Variants in RBFOX1 observed in about 807,000 individuals in gnomAD.
RBFOX1 encodes the protein RNA binding fox-1 homolog 1, also known as RNA binding protein fox-1 homolog 1.
A neutral mutation model predicts 57.7 loss-of-function variants in RBFOX1; 8 were observed. The observed-to-expected ratio is 0.14, with a 90% CI of 0.08 to 0.25. The LOEUF is 0.25. RBFOX1 is among the 10% of genes least tolerant of loss of function. The pLI is 1.00. For missense variants in RBFOX1, 611 were observed against 548.5 expected (o/e 1.11, Z -1.14); for synonymous variants, 326 against 222.4 (o/e 1.47, Z -4.15).
At chr16:5,449,183 C>G (rs1648218024) in intron 1 of RBFOX1, among the ~76,000 whole-genome samples, 1 of 152,174 alleles carries the variant, frequency 6.6e-6, no homozygotes, top group African/African-American at 2.4e-5. Flanking sequence ...AAGCCCCACT[C>G]CCGACAAGGC....
At chr16:6,434,040 G>A (rs1047309143) in intron 2 of RBFOX1, among the ~76,000 whole-genome samples, 2 of 151,862 alleles carry the variant, frequency 1.3e-5, no homozygotes, top group African/African-American at 4.8e-5. Context: ...TAGAGATGGG[G>A]CTTCACCATG....
At chr16:6,577,543 A>G (rs182535303) in intron 2 of RBFOX1, among the ~76,000 whole-genome samples, 4 of 152,314 alleles carry the variant, frequency 2.6e-5, no homozygotes, top group African/African-American at 4.8e-5. Context: ...ACAAAGGTTT[A>G]TTTCTTGCTG....
At chr16:7,651,599 T>C (rs1005793106) in intron 11 of RBFOX1, among the ~76,000 whole-genome samples, 2 of 152,232 alleles carry the variant, frequency 1.3e-5, no homozygotes, top group Admixed American at 1.3e-4. Context: ...GGAACGCTTC[T>C]ACTCCTGAAG....
At chr16:7,532,915 C>T (rs536047222) in intron 5 of RBFOX1, among the ~76,000 whole-genome samples, 2 of 152,366 alleles carry the variant, frequency 1.3e-5, no homozygotes, top group Non-Finnish European at 2.9e-5. Context: ...TGTTGGCCTG[C>T]TGGCTGCATT....
chr16:6,942,106 G>A (rs1314150216), intron 3 of RBFOX1, among the ~76,000 whole-genome samples: 1 of 152,066 alleles, frequency 6.6e-6, no homozygotes, highest in African/African-American at 2.4e-5. Context: ...ACGTGCAGTG[G>A]TGCACACCTG....
At chr16:7,655,450 G>A (rs2066071339) in intron 12 of RBFOX1, among the ~76,000 whole-genome samples, 1 of 152,162 alleles carries the variant, frequency 6.6e-6, no homozygotes, top group Non-Finnish European at 1.5e-5. Context: ...TCTCCCTAAT[G>A]CCTGTCAAAT....
intron 3 of RBFOX1, among the ~76,000 whole-genome samples, chr16:6,856,369 G>C (rs183213306): frequency 4.3e-4 from 65 of 152,238 alleles, no homozygotes; most frequent in African/African-American, 1.5e-3. Context: ...ATGATGAGTA[G>C]ACTATGTCTC....
At chr16:7,195,056 C>G (rs1274522288) in intron 4 of RBFOX1, among the ~76,000 whole-genome samples, 2 of 148,252 alleles carry the variant, frequency 1.3e-5, no homozygotes, top group Non-Finnish European at 3.0e-5. Flanking sequence ...AGCAACAAAA[C>G]TTTAAAAAAT....
intron 4 of RBFOX1, among the ~76,000 whole-genome samples, chr16:7,484,219 T>C (rs1231520569): frequency 3.9e-5 from 6 of 152,214 alleles, no homozygotes; most frequent in African/African-American, 9.6e-5. Context: ...TATACCAAGA[T>C]GTGTTTATCC....
intron 3 of RBFOX1, among the ~76,000 whole-genome samples, chr16:6,680,192 C>T (rs1240719906): frequency 6.6e-6 from 1 of 151,290 alleles, no homozygotes; most frequent in Non-Finnish European, 1.5e-5. Context: ...TCGTATGGAG[C>T]TGCGCATATA....
At chr16:7,086,741 C>CACACACACACACACACACACAG (rs34157471) in intron 4 of RBFOX1, among the ~76,000 whole-genome samples, 1 of 21,858 alleles carries the variant, frequency 4.6e-5, no homozygotes, top group Admixed American at 4.0e-4. Context: ...CACACACACA[C>CACACACACACACACACACACAG]TTTAAAATTT....
At position 7,646,055 on chromosome 16, in the gene RBFOX1, G is replaced by C. The variant is rs1201851529; in HGVS notation, c.758-7760G>C. The stretch of plus-strand genomic sequence containing the variant: ...GCTAGAACTTAATAAGTGCCATCAT[G>C]TTAAAATTTTAATTTAAGGCCATTT... On this transcript the variant is annotated intron_variant, in intron 11 of 15. Coordinates refer to ENST00000550418, the MANE Select transcript of RBFOX1 (RefSeq NM_018723.4). Among the ~76,000 whole-genome samples, 3 of 150,982 alleles carry C rather than the reference G, an allele frequency of 2.0e-5. No homozygotes were observed. In the East Asian group the frequency reaches 5.8e-4, roughly 29 times the overall value.
chr16:5,598,728 G>A (rs113908156), intron 2 of RBFOX1, among the ~76,000 whole-genome samples: 340 of 152,282 alleles, frequency 2.2e-3, no homozygotes, highest in Non-Finnish European at 3.6e-3. Flanking sequence ...TGGCCATTGC[G>A]CAGGGCAATG....
At chr16:5,658,948 A>T (rs116654773) in intron 3 of RBFOX1, among the ~76,000 whole-genome samples, 6,452 of 151,694 alleles carry the variant, frequency 0.043, 472 homozygotes, top group African/African-American at 0.15. Context: ...GCTTTTACGT[A>T]TTTGCAATTG....
chr16:7,333,878 A>G lies in RBFOX1; in HGVS notation c.28-184269A>G, dbSNP rs115056941. On this transcript the variant is annotated intron_variant, in intron 4 of 15. Transcript: ENST00000550418. ...AACATCTACTAGCGATAGAACCCAC[A>G]GATCATAGAAATCCAAGGTGGCTTT... is the stretch of plus-strand genomic sequence containing the variant. 3.1e-3 allele frequency among the ~76,000 whole-genome samples: 479 copies of G among 152,292 alleles called. 3 individuals carry two copies. In the Middle Eastern group the frequency reaches 0.044, roughly 14 times the overall value.
At chr16:5,302,712 GTTTAT>G (rs1304030479) in intron 1 of RBFOX1, among the ~76,000 whole-genome samples, 2 of 152,050 alleles carry the variant, frequency 1.3e-5, no homozygotes, top group Non-Finnish European at 2.9e-5. Context: ...TTGTCTTGAG[GTTTAT>G]TTTGTCTGAT....
At chr16:5,548,110 G>C (rs2045293190) in intron 2 of RBFOX1, among the ~76,000 whole-genome samples, 1 of 147,538 alleles carries the variant, frequency 6.8e-6, no homozygotes, top group Non-Finnish European at 1.5e-5. Flanking sequence ...GCAGTGAGCT[G>C]AGATTGTGCC....
chr16:5,617,723 C>G (rs1396456349), intron 3 of RBFOX1, among the ~76,000 whole-genome samples: 1 of 152,178 alleles, frequency 6.6e-6, no homozygotes, highest in African/African-American at 2.4e-5. Context: ...ATTTCTGTCT[C>G]TCCATATTCC....
At chr16:7,438,787 A>G (rs534604907) in intron 4 of RBFOX1, among the ~76,000 whole-genome samples, 24 of 152,302 alleles carry the variant, frequency 1.6e-4, no homozygotes, top group East Asian at 5.8e-4. Flanking sequence ...CAATAATTCA[A>G]TAGCGTAGCC....
Sources: gnomAD v4.1 joint callset for allele counts (sites outside exome capture counted in the v4.1 genomes callset) on GRCh38, gnomAD v4.1.1 for gene constraint, MANE v1.5 for transcripts, NCBI Gene and HGNC (gene_info 2026-07-23, HGNC 2026-07-21) for gene names.